GPR19: variants seen among roughly 807,000 people sequenced by gnomAD.
GPR19 encodes the protein probable G protein-coupled receptor 19.
A neutral mutation model predicts 28.5 loss-of-function variants in GPR19; 14 were observed. The ratio of observed to expected loss-of-function variants is 0.49; its 90% CI spans 0.32 to 0.77. The LOEUF is 0.77. Among genes scored for constraint, GPR19 ranks in the 30% least tolerant of loss-of-function variants. The pLI is 0.03. For missense variants in GPR19, 409 were observed against 504.1 expected (o/e 0.81, Z 1.81); for synonymous variants, 173 against 184.1 (o/e 0.94, Z 0.49).
At chr12:12,665,819 CAAAAAAAAAAAAA>C (rs528302150) in intron 3 of GPR19, among the ~76,000 whole-genome samples, 143 of 75,734 alleles carry the variant, frequency 1.9e-3, no homozygotes, top group African/African-American at 8.1e-3. Flanking sequence ...GACTCCGTCT[CAAAAAAAAAAAAA>C]AAAAAAAAAA....
chr12:12,706,866 A>G, the GPR19 span, among the ~76,000 whole-genome samples: 2 of 152,332 alleles, frequency 1.3e-5, no homozygotes, highest in East Asian at 3.9e-4. Flanking sequence ...GTCTACTATA[A>G]TACATGGTCT....
At chr12:12,670,006 T>C (rs1387196020) in intron 3 of GPR19, among the ~76,000 whole-genome samples, 1 of 152,178 alleles carries the variant, frequency 6.6e-6, no homozygotes, top group African/African-American at 2.4e-5. Context: ...GCTGGGATTA[T>C]AGGTGTGAAC....
At chr12:12,706,450 G>C in the GPR19 span, among the ~76,000 whole-genome samples, 2 of 152,020 alleles carry the variant, frequency 1.3e-5, no homozygotes, top group Non-Finnish European at 2.9e-5. Context: ...CCACTCCCTT[G>C]GTGTTCTTAT....
intron 3 of GPR19, among the ~76,000 whole-genome samples, chr12:12,680,317 C>T (rs78343838): frequency 2.5e-3 from 380 of 152,286 alleles, no homozygotes; most frequent in African/African-American, 8.8e-3. Flanking sequence ...TCAGTTTCCT[C>T]AGCTAAAATT....
chr12:12,696,794 C>T (rs546147298), upstream of GPR19, among the ~76,000 whole-genome samples: 2 of 152,328 alleles, frequency 1.3e-5, no homozygotes, highest in East Asian at 1.9e-4. Context: ...TAATGAAAGT[C>T]ATGTTTTCAT....
chr12:12,689,463 C>T (rs1008027667), intron 2 of GPR19, among the ~76,000 whole-genome samples: 1 of 151,938 alleles, frequency 6.6e-6, no homozygotes, highest in South Asian at 2.1e-4. Context: ...AAGTCATCTA[C>T]AGAAAAAAGT....
chr12:12,714,517 G>T, the GPR19 span, among the ~76,000 whole-genome samples: 6 of 152,168 alleles, frequency 3.9e-5, no homozygotes, highest in Non-Finnish European at 2.9e-5. Flanking sequence ...AATCTGGGAT[G>T]GCTTATGGGA....
chr12:12,700,194 T>G (rs1313133995), upstream of GPR19, among the ~76,000 whole-genome samples: 1 of 151,928 alleles, frequency 6.6e-6, no homozygotes, highest in Non-Finnish European at 1.5e-5. Flanking sequence ...TTTTTTATTT[T>G]TTATTTTTTT....
intron 3 of GPR19, among the ~76,000 whole-genome samples, chr12:12,678,308 AAAAC>A (rs142334331): frequency 0.07 from 10,615 of 152,214 alleles, 487 homozygotes; most frequent in South Asian, 0.13. Flanking sequence ...TTAATTTAAA[AAAAC>A]CAATGATTAT....
chr12:12,693,059 G>T (rs1308112376), intron 2 of GPR19, among the ~76,000 whole-genome samples: 1 of 152,160 alleles, frequency 6.6e-6, no homozygotes, highest in East Asian at 1.9e-4. Flanking sequence ...CAACTTCTGA[G>T]TTATTTATAA....
At chr12:12,691,218 T>G (rs1946176265) in intron 2 of GPR19, among the ~76,000 whole-genome samples, 1 of 152,160 alleles carries the variant, frequency 6.6e-6, no homozygotes, top group Non-Finnish European at 1.5e-5. Flanking sequence ...GTCAATTTTA[T>G]AAAAGGCAAA....
chr12:12,711,521 C>T, the GPR19 span, among the ~76,000 whole-genome samples: 1 of 152,066 alleles, frequency 6.6e-6, no homozygotes, highest in South Asian at 2.1e-4. Flanking sequence ...CCTTTGCTTA[C>T]ATTCTATTGG....
At chr12:12,711,392 G>A in the GPR19 span, among the ~76,000 whole-genome samples, 1 of 152,046 alleles carries the variant, frequency 6.6e-6, no homozygotes, top group Non-Finnish European at 1.5e-5. Context: ...TCAACATGTG[G>A]CTTCCAAGGT....
chr12:12,714,722 T>A, the GPR19 span, among the ~76,000 whole-genome samples: 1 of 152,192 alleles, frequency 6.6e-6, no homozygotes, highest in Non-Finnish European at 1.5e-5. Context: ...CTGCCCACTT[T>A]GCAGAAGGAT....
the GPR19 span, among the ~76,000 whole-genome samples, chr12:12,708,569 C>G: frequency 6.6e-6 from 1 of 152,174 alleles, no homozygotes; most frequent in African/African-American, 2.4e-5. Flanking sequence ...ACAATGGATT[C>G]TGGACTCAGC....
the GPR19 span, among the ~76,000 whole-genome samples, chr12:12,711,645 G>A: frequency 6.6e-6 from 1 of 152,218 alleles, no homozygotes; most frequent in Non-Finnish European, 1.5e-5. Flanking sequence ...AGGCAACAAT[G>A]GATTTTGATG....
the GPR19 span, among the ~76,000 whole-genome samples, chr12:12,712,555 T>C: frequency 1.3e-5 from 2 of 152,262 alleles, no homozygotes; most frequent in African/African-American, 2.4e-5. Context: ...CATAATCATC[T>C]TGACATTTTC....
chr12:12,705,115 CTTT>C, the GPR19 span, among the ~76,000 whole-genome samples: 2 of 136,606 alleles, frequency 1.5e-5, no homozygotes, highest in African/African-American at 2.7e-5. Context: ...AGAAATGCAT[CTTT>C]TTTTTTTTTT....
At chr12:12,713,163 C>T in the GPR19 span, among the ~76,000 whole-genome samples, 1 of 148,966 alleles carries the variant, frequency 6.7e-6, no homozygotes, top group East Asian at 2.0e-4. Flanking sequence ...CTCCCAGGTT[C>T]AAGCAATTCT....
Sources: gnomAD v4.1 joint callset for allele counts (sites outside exome capture counted in the v4.1 genomes callset) on GRCh38, gnomAD v4.1.1 for gene constraint, MANE v1.5 for transcripts, NCBI Gene and HGNC (gene_info 2026-07-23, HGNC 2026-07-21) for gene names.